The following RPH3AL variants were observed in gnomAD, a reference collection of about 807,000 sequenced individuals.
RPH3AL encodes rabphilin 3A like (without C2 domains).
In RPH3AL, 38 loss-of-function variants were observed where a neutral mutation model predicts 43.1. The observed-to-expected ratio is 0.88, with a 90% CI of 0.68 to 1.15. The LOEUF (loss-of-function observed/expected upper bound fraction) is 1.15, where lower values mean the gene tolerates loss of function less well. RPH3AL is among the 50% of genes most tolerant of loss of function. RPH3AL has a pLI of 0.00. For synonymous variants in RPH3AL, 189 were observed against 176.3 expected, an observed-to-expected ratio of 1.07 and a Z score of -0.57; for missense variants, 462 against 423.2, an observed-to-expected ratio of 1.09 and a Z score of -0.81.
rs764068912 is a variant in RPH3AL at position 247,247 on chromosome 17, G to A, written c.477C>T (p.Leu159=). The A allele has an allele frequency of 1.2e-6, 2 of 1,607,578 alleles. No individual in the cohort carries two copies. Among genetic ancestry groups the A allele is most frequent in the Non-Finnish European group, 1.7e-6 (2 of 1,176,240 alleles). The part of the protein sequence containing the change: ...KRSGAWFYKG[L]PKYILPLKTP... ...TCTTCAGGGGCAAGATATACTTGGG[G>A]AGCCCTTTGTAGAACCAGGCCCCCG... is the stretch of plus-strand genomic sequence containing the variant. The change falls in exon 7 of 10, where the codon CTC becomes CTT. Residue 159 remains leucine (L), a synonymous_variant. Coordinates refer to ENST00000331302, the MANE Select transcript of RPH3AL (RefSeq NM_006987.4).
At position 289,566 on chromosome 17, in the gene RPH3AL, A is replaced by T. The variant is rs9912566; in HGVS notation, c.352-7712T>A. On this transcript the variant is annotated intron_variant, in intron 5 of 9. Coordinates refer to ENST00000331302, the MANE Select transcript of RPH3AL (RefSeq NM_006987.4). This position sits in a 1 kb window ranked among gnomAD's most constrained non-coding sequence, Gnocchi z 5.2. The stretch of plus-strand genomic sequence containing the variant: ...ATTTTCTCAAGAGGCAAATCTAATC[A>T]TGTCACCTCTCCCATCCCTCCCAAC... Among the ~76,000 whole-genome samples, 107,767 of 152,046 alleles carry T rather than the reference A, an allele frequency of 0.71. 38,703 individuals are homozygous for T. The highest frequency in any genetic ancestry group is 0.77 in the Non-Finnish European group (52,271 of 67,974).
At chr17:315,654 C>T (rs1598098259) in intron 5 of RPH3AL, among the ~76,000 whole-genome samples, 28 of 146,664 alleles carry the variant, frequency 1.9e-4, no homozygotes, top group Middle Eastern at 3.7e-3. Context: ...AGTCCCTGTG[C>T]TCCACCTCCA....
At chr17:250,470 A>C (rs1216516704) in intron 6 of RPH3AL, among the ~76,000 whole-genome samples, 1 of 117,588 alleles carries the variant, frequency 8.5e-6, no homozygotes, top group Non-Finnish European at 1.7e-5. Context: ...CCTAAGTGCC[A>C]TCGCTGTGGG....
intron 2 of RPH3AL, chr17:331,853 G>T: frequency 3.1e-6 from 4 of 1,289,180 alleles, no homozygotes; most frequent in Non-Finnish European, 4.0e-6. Context: ...CACAGACTGC[G>T]CCCTTGTACT....
chr17:239,022 G>A (rs7213702), intron 7 of RPH3AL, among the ~76,000 whole-genome samples: 13,517 of 152,198 alleles, frequency 0.089, 776 homozygotes, highest in African/African-American at 0.16. Context: ...TCGCTCAGAG[G>A]CAGACCCTGT....
chr17:277,566 C>A (rs981327779), intron 6 of RPH3AL, among the ~76,000 whole-genome samples: 6 of 152,210 alleles, frequency 3.9e-5, no homozygotes, highest in African/African-American at 1.4e-4. Flanking sequence ...ATCCTCAGCA[C>A]AGCAGACAGA....
chr17:247,787 G>A (rs1418326803), intron 6 of RPH3AL: 1 of 154,080 alleles, frequency 6.5e-6, no homozygotes, highest in South Asian at 2.0e-4. Context: ...AGATTGCCTA[G>A]TCAGACCTCT....
chr17:306,327 C>T (rs7209996), intron 5 of RPH3AL: 2,000 of 152,398 alleles, frequency 0.013, 21 homozygotes, highest in Non-Finnish European at 0.021. Context: ...CACGCACGTG[C>T]GCAGCCTGGC....
intron 3 of RPH3AL, among the ~76,000 whole-genome samples, chr17:326,252 G>A (rs555780617): frequency 1.2e-4 from 19 of 152,376 alleles, no homozygotes; most frequent in Admixed American, 2.0e-4. Flanking sequence ...TGCAAATCAC[G>A]CATGACTCCG....
In RPH3AL at chr17:331,521, A is replaced by G. The variant is rs554953684; in HGVS notation, c.-37+2238T>C. 6 of 1,225,512 alleles carry G rather than the reference A, an allele frequency of 4.9e-6. No individual in the cohort carries two copies. In the South Asian group the frequency reaches 7.0e-5, roughly 14 times the overall value. 75.9% of individuals were successfully genotyped at this position (1,225,512 alleles called of 1,614,324 possible). ...CCGTGGCTGGCACCTCAGAAGGCAC[A>G]GCTGTCCTTCACTCGCACGGAGCAA... is the stretch of plus-strand genomic sequence containing the variant. On this transcript the variant is annotated intron_variant, in intron 2 of 9. Transcript: ENST00000331302.
intron 5 of RPH3AL, among the ~76,000 whole-genome samples, chr17:314,491 T>A (rs2043796783): frequency 7.4e-6 from 1 of 135,850 alleles, no homozygotes; most frequent in South Asian, 2.4e-4. Flanking sequence ...TGACCTGTAG[T>A]CCCTATACTC....
chr17:320,910 C>A (rs920525936), intron 4 of RPH3AL, among the ~76,000 whole-genome samples: 3 of 152,236 alleles, frequency 2.0e-5, no homozygotes, highest in Admixed American at 2.0e-4. Context: ...TCAGGGGCGA[C>A]CTGTGGCTTG....
intron 7 of RPH3AL, among the ~76,000 whole-genome samples, chr17:235,815 G>T (rs2041371744): frequency 6.9e-6 from 1 of 145,484 alleles, no homozygotes. Context: ...TTCAAAGCTG[G>T]GGTCGGCCGA....
chr17:264,040 G>C lies in RPH3AL; in HGVS notation c.439-16755C>G, dbSNP rs1343842851. Among the ~76,000 whole-genome samples, 1 of 152,162 alleles carries C rather than the reference G, an allele frequency of 6.6e-6. No homozygotes were observed. The highest frequency in any genetic ancestry group is 1.9e-4 in the East Asian group (1 of 5,194). On this transcript the variant is annotated intron_variant, in intron 6 of 9. Transcript: ENST00000331302. This position sits in a 1 kb window ranked among gnomAD's most constrained non-coding sequence, Gnocchi z 4.8. ...CTGCTTTCCAAGATGGCTGGGCGGG[G>C]ATCTCTGATCAGATTTCAAAGCCAC... is the stretch of plus-strand genomic sequence containing the variant.
At chr17:255,897 T>A (rs373137150) in intron 6 of RPH3AL, among the ~76,000 whole-genome samples, 46 of 60,370 alleles carry the variant, frequency 7.6e-4, no homozygotes, top group Middle Eastern at 7.9e-3. Context: ...GTGACTACCC[T>A]ACGTACTTCC....
chr17:276,495 G>C (rs1338119656), intron 6 of RPH3AL, among the ~76,000 whole-genome samples: 1 of 152,186 alleles, frequency 6.6e-6, no homozygotes, highest in African/African-American at 2.4e-5. Context: ...GGGCAGAAGT[G>C]ATCCTCCCGC....
At chr17:346,731 T>C (rs1166236608) in intron 1 of RPH3AL, among the ~76,000 whole-genome samples, 1 of 135,442 alleles carries the variant, frequency 7.4e-6, no homozygotes, top group Admixed American at 7.1e-5. Flanking sequence ...AGATTATAAA[T>C]AGAAAAACAC....
At chr17:256,102 T>C (rs1428311181) in intron 6 of RPH3AL, among the ~76,000 whole-genome samples, 2 of 13,214 alleles carry the variant, frequency 1.5e-4, no homozygotes, top group Non-Finnish European at 2.2e-4. Flanking sequence ...CTACCCTACG[T>C]ACTTCCTATG....
chr17:268,553 G>GTTTTTTTTTTTT (rs5818749), intron 6 of RPH3AL, among the ~76,000 whole-genome samples: 6 of 74,518 alleles, frequency 8.1e-5, no homozygotes, highest in Non-Finnish European at 1.2e-4. Flanking sequence ...ATGTTTTTGG[G>GTTTTTTTTTTTT]TTTTTTTTTT....
Sources: allele counts gnomAD v4.1 joint callset (sites outside exome capture counted in the v4.1 genomes callset), GRCh38; gene constraint gnomAD v4.1.1; non-coding constraint Gnocchi (gnomAD v3.1); transcripts MANE v1.5; gene names NCBI Gene and HGNC (gene_info 2026-07-23, HGNC 2026-07-21).